SUPT3H: variants seen among roughly 807,000 people sequenced by gnomAD.
SUPT3H encodes SPT3 homolog, SAGA and STAGA complex component.
A neutral mutation model predicts 44.3 loss-of-function variants in SUPT3H; 44 were observed. The observed-to-expected ratio is 0.99, with a 90% CI of 0.78 to 1.28. SUPT3H has a LOEUF of 1.28. SUPT3H is among the 50% of genes most tolerant of loss of function. SUPT3H has a pLI of 0.00. For synonymous variants in SUPT3H, 124 were observed against 125.6 expected (o/e 0.99, Z 0.09); for missense variants, 380 against 387.1 (o/e 0.98, Z 0.15).
Position 45,281,322 on chromosome 6 carries a change from C to T in SUPT3H, c.101+83879G>A, listed in dbSNP as rs184789108. Among the ~76,000 whole-genome samples the T allele has an allele frequency of 1.0e-3, 155 of 152,344 alleles. 1 individual carries two copies. Among genetic ancestry groups the T allele is most frequent in the Admixed American group, 7.2e-3 (110 of 15,310 alleles). On this transcript the variant is annotated intron_variant, in intron 2 of 10. Transcript: ENST00000371459. ...GCATCACCCGCGAAGCGCAAGGGGT[C>T]AGGGAATTCCATTTCCTAGTCAAAG...
At chr6:45,088,695 G>C (rs917909619) in intron 3 of SUPT3H, among the ~76,000 whole-genome samples, 17 of 151,964 alleles carry the variant, frequency 1.1e-4, no homozygotes, top group Admixed American at 5.9e-4. Flanking sequence ...GATCAGGGGA[G>C]TCACATCTAG....
intron 7 of SUPT3H, among the ~76,000 whole-genome samples, chr6:44,958,640 A>G (rs951965029): frequency 7.2e-5 from 11 of 152,158 alleles, no homozygotes; most frequent in African/African-American, 2.2e-4. Flanking sequence ...AACATACATA[A>G]TAAGTAGACT....
At chr6:45,061,335 C>G (rs1227359086) in intron 3 of SUPT3H, among the ~76,000 whole-genome samples, 2 of 152,126 alleles carry the variant, frequency 1.3e-5, no homozygotes, top group African/African-American at 4.8e-5. Context: ...CCTCAGCAAA[C>G]TAATGTAGGA....
At chr6:45,105,090 C>T (rs953984866) in intron 3 of SUPT3H, among the ~76,000 whole-genome samples, 6 of 151,386 alleles carry the variant, frequency 4.0e-5, no homozygotes, top group East Asian at 1.9e-4. Context: ...GCATATACAA[C>T]GAGAAACAGA....
At chr6:45,251,476 G>C (rs923120555) in intron 2 of SUPT3H, among the ~76,000 whole-genome samples, 1 of 151,254 alleles carries the variant, frequency 6.6e-6, no homozygotes, top group Non-Finnish European at 1.5e-5. Context: ...CTGAAAATTT[G>C]CTGTAATTCC....
chr6:45,020,192 C>T (rs1289022188), intron 4 of SUPT3H, among the ~76,000 whole-genome samples: 1 of 151,806 alleles, frequency 6.6e-6, no homozygotes, highest in Non-Finnish European at 1.5e-5. Flanking sequence ...TAATGTTAAT[C>T]TGTAAGAAGA....
intron 9 of SUPT3H, among the ~76,000 whole-genome samples, chr6:44,938,632 A>T (rs893824760): frequency 8.5e-5 from 13 of 152,152 alleles, no homozygotes; most frequent in Middle Eastern, 6.8e-3. Flanking sequence ...ATTTTGATAG[A>T]GATTGCACTG....
At chr6:45,330,782 C>A (rs1010205903) in intron 2 of SUPT3H, among the ~76,000 whole-genome samples, 1 of 151,790 alleles carries the variant, frequency 6.6e-6, no homozygotes, top group African/African-American at 2.4e-5. Context: ...CACCTTCCCT[C>A]CCCGCCAGCC....
rs935020185 is a variant in SUPT3H, at chr6:45,236,347, G to T, written c.101+128854C>A. Among the ~76,000 whole-genome samples, 5 of 152,098 alleles carry T rather than the reference G, an allele frequency of 3.3e-5. No individual in the cohort carries two copies. The East Asian group carries it at 5.8e-4, about 18-fold the overall frequency. On this transcript the variant is annotated intron_variant, in intron 2 of 10. Transcript: ENST00000371459. ...CGAGTGCTCTTAAGCAATCCCCGTG[G>T]TGAGTAAAAAGGGGAGCTCAGAAGC...
chr6:45,252,358 AAT>A (rs1321518349), intron 2 of SUPT3H, among the ~76,000 whole-genome samples: 7 of 152,238 alleles, frequency 4.6e-5, no homozygotes, highest in African/African-American at 9.6e-5. Flanking sequence ...CTTTTGCTTC[AAT>A]ATGTTTCTGA....
At chr6:45,189,755 C>T (rs1161167964) in intron 2 of SUPT3H, among the ~76,000 whole-genome samples, 1 of 152,134 alleles carries the variant, frequency 6.6e-6, no homozygotes, top group Non-Finnish European at 1.5e-5. Flanking sequence ...CCTTTGAGAC[C>T]CCTTTTTTAC....
At chr6:45,172,082 TTTTC>T (rs1307600313) in intron 2 of SUPT3H, among the ~76,000 whole-genome samples, 1 of 150,422 alleles carries the variant, frequency 6.6e-6, no homozygotes, top group African/African-American at 2.4e-5. Context: ...CTTTTTTTTT[TTTTC>T]TTTTTGAGAC....
chr6:44,842,420 C>T lies in SUPT3H; in HGVS notation c.913-12563G>A, dbSNP rs780395512. ...TTCATTAATAAATAATGTTTATTAA[C>T]ATTTATTTAGAAATAAATGTTTCCT... On this transcript the variant is annotated intron_variant, in intron 10 of 10. Transcript: ENST00000371459. 3.9e-4 allele frequency among the ~76,000 whole-genome samples: 59 copies of T among 152,006 alleles called. 2 individuals carry two copies. The highest frequency in any genetic ancestry group is 3.4e-3 in the Middle Eastern group (1 of 294).
Position 45,148,556 on chromosome 6 carries a change from G to A in SUPT3H, c.102-42550C>T, listed in dbSNP as rs569769137. Among the ~76,000 whole-genome samples, 4 of 152,222 alleles carry A rather than the reference G, an allele frequency of 2.6e-5. No individual in the cohort carries two copies. The South Asian group carries it at 6.2e-4, about 24-fold the overall frequency. On this transcript the variant is annotated intron_variant, in intron 2 of 10. Coordinates refer to ENST00000371459, the MANE Select transcript of SUPT3H (RefSeq NM_003599.4). ...GGAGGACACCAAAAGCACACGCTCA[G>A]ACATTAACCAGCTATCTCAGTTCAC...
At chr6:45,016,202 A>G (rs182801145) in intron 4 of SUPT3H, among the ~76,000 whole-genome samples, 247 of 152,214 alleles carry the variant, frequency 1.6e-3, no homozygotes, top group African/African-American at 5.6e-3. Flanking sequence ...TATGATACCT[A>G]CAACATCACT....
chr6:45,063,826 C>T lies in SUPT3H; in HGVS notation c.186+42096G>A, dbSNP rs1290630363. Among the ~76,000 whole-genome samples, 86 of 142,232 alleles carry T rather than the reference C, an allele frequency of 6.0e-4. 1 individual carries two copies. Among genetic ancestry groups the T allele is most frequent in the African/African-American group, 2.0e-3 (77 of 37,582 alleles). 93.3% of individuals were successfully genotyped at this position (142,232 alleles called of 152,430 possible). A position where few individuals can be genotyped will look rare whatever the true frequency, so the allele number is the denominator to read the frequency against. On this transcript the variant is annotated intron_variant, in intron 3 of 10. Coordinates refer to ENST00000371459, the MANE Select transcript of SUPT3H (RefSeq NM_003599.4). Reference sequence around the variant, plus strand: ...GGACTATGTGAAAAGACCAAATCTACGTCTGATTGGTGTACCTGAAAGTGA... The same window carrying T: ...GGACTATGTGAAAAGACCAAATCTATGTCTGATTGGTGTACCTGAAAGTGA...
Position 45,006,509 on chromosome 6 carries a change from G to A in SUPT3H, c.365-2717C>T, listed in dbSNP as rs532245330. Among the ~76,000 whole-genome samples, 9 of 151,598 alleles carry A rather than the reference G, an allele frequency of 5.9e-5. No individual in the cohort carries two copies. The South Asian group carries it at 8.3e-4, about 14-fold the overall frequency. ...TTCCATTTTCTTTAATGTTTACCTCGCTCTTTTCTGGTTGGACACATTGCT... is the reference window on the plus strand; with the variant it reads ...TTCCATTTTCTTTAATGTTTACCTCACTCTTTTCTGGTTGGACACATTGCT... On this transcript the variant is annotated intron_variant, in intron 5 of 10. Coordinates refer to ENST00000371459, the MANE Select transcript of SUPT3H (RefSeq NM_003599.4).
chr6:44,969,071 T>C (rs1562161483), intron 6 of SUPT3H, among the ~76,000 whole-genome samples: 2 of 152,202 alleles, frequency 1.3e-5, no homozygotes, highest in Admixed American at 1.3e-4. Context: ...CCACCTCCTC[T>C]GGGAAGTTTG....
intron 2 of SUPT3H, among the ~76,000 whole-genome samples, chr6:45,335,489 T>G (rs1222830223): frequency 1.3e-5 from 2 of 151,296 alleles, no homozygotes; most frequent in Non-Finnish European, 3.0e-5. Flanking sequence ...TATAAGATAC[T>G]TTAATGCAAA....
Sources: allele counts gnomAD v4.1 joint callset (sites outside exome capture counted in the v4.1 genomes callset), GRCh38; gene constraint gnomAD v4.1.1; transcripts MANE v1.5; gene names NCBI Gene and HGNC (gene_info 2026-07-23, HGNC 2026-07-21).